The following DIAPH3 variants were observed in gnomAD, a reference collection of about 807,000 sequenced individuals.
DIAPH3 encodes the protein diaphanous related formin 3.
Under a neutral mutation model 144.3 loss-of-function variants are expected in DIAPH3, and 117 were observed. That is an observed-to-expected ratio of 0.81 (90% CI 0.70 to 0.95). The LOEUF (loss-of-function observed/expected upper bound fraction) is 0.95. Among genes scored for constraint, DIAPH3 ranks in the 40% least tolerant of loss-of-function variants. The pLI is 0.00. For synonymous variants in DIAPH3, 519 were observed against 488.9 expected (o/e 1.06, Z -0.81); for missense variants, 1,421 against 1,412.7 (o/e 1.01, Z -0.09).
chr13:59,999,672 C>T (rs1447167672), intron 9 of DIAPH3, among the ~76,000 whole-genome samples: 1 of 152,138 alleles, frequency 6.6e-6, no homozygotes, highest in African/African-American at 2.4e-5. Flanking sequence ...CTCAAGGATT[C>T]CCCAACAGGC....
chr13:60,131,352 C>T (rs2059131639), intron 2 of DIAPH3, among the ~76,000 whole-genome samples: 1 of 149,868 alleles, frequency 6.7e-6, no homozygotes, highest in Admixed American at 6.7e-5. Flanking sequence ...GGGAGGATTG[C>T]CTGAGCCCAG....
chr13:60,086,400 T>G (rs1594626195), intron 4 of DIAPH3, among the ~76,000 whole-genome samples: 1 of 152,170 alleles, frequency 6.6e-6, no homozygotes, highest in African/African-American at 2.4e-5. Flanking sequence ...TAGAAAATAC[T>G]CTTAACAAGA....
intron 17 of DIAPH3, among the ~76,000 whole-genome samples, chr13:59,939,331 T>C (rs1377639882): frequency 6.6e-6 from 1 of 152,182 alleles, no homozygotes; most frequent in Non-Finnish European, 1.5e-5. Flanking sequence ...GTACAAAGAA[T>C]TTCATTCTTG....
At chr13:59,897,056 T>C (rs1461503149) in intron 20 of DIAPH3, among the ~76,000 whole-genome samples, 1 of 152,204 alleles carries the variant, frequency 6.6e-6, no homozygotes, top group Non-Finnish European at 1.5e-5. Flanking sequence ...AAAAGAGTTA[T>C]TAAAAAAATT....
chr13:60,010,087 A>G (rs906392006), intron 8 of DIAPH3, among the ~76,000 whole-genome samples: 7 of 152,188 alleles, frequency 4.6e-5, no homozygotes, highest in African/African-American at 1.4e-4. Context: ...AACTACTATT[A>G]CATAAATCAC....
At chr13:60,029,496 A>G (rs1035722791) in intron 5 of DIAPH3, among the ~76,000 whole-genome samples, 1 of 152,182 alleles carries the variant, frequency 6.6e-6, no homozygotes, top group African/African-American at 2.4e-5. Context: ...TAATGGGATC[A>G]TGGGTGTGGT....
chr13:59,684,118 G>C (rs1350794943), intron 27 of DIAPH3, among the ~76,000 whole-genome samples: 6 of 151,482 alleles, frequency 4.0e-5, no homozygotes, highest in Admixed American at 3.9e-4. Context: ...TTCTTGGTTT[G>C]CTGCTGTGGC....
chr13:59,824,646 G>A (rs1426436970), intron 24 of DIAPH3, among the ~76,000 whole-genome samples: 3 of 152,182 alleles, frequency 2.0e-5, no homozygotes, highest in Admixed American at 6.6e-5. Context: ...GGGAGAAAGA[G>A]ACTGGATTTT....
Position 60,163,867 on chromosome 13 carries a change from C to T in DIAPH3, c.-101G>A. On this transcript the variant is annotated 5_prime_UTR_variant, in exon 1 of 28. Coordinates refer to ENST00000400324, the MANE Select transcript of DIAPH3 (RefSeq NM_001042517.2). ...AACAGGTTTTACTCCCGGGGTCCGC[C>T]ACCCAAACAGTCAGCACAGCCTAGC... 7.0e-7 allele frequency: 1 copy of T among 1,424,404 alleles called. No individual in the cohort carries two copies. Among genetic ancestry groups the T allele is most frequent in the Non-Finnish European group, 9.3e-7 (1 of 1,070,944 alleles). The allele number at this position is 1,424,404 out of a possible 1,614,324, so 88.2% of individuals were successfully genotyped here.
Position 59,774,813 on chromosome 13 carries a change from C to T in DIAPH3, c.3174G>A (p.Glu1058=). The change falls in exon 26 of 28, where the codon GAG becomes GAA. Residue 1058 remains glutamate (E), a synonymous_variant. Transcript: ENST00000400324. ...RLLEMKTEGD[E]TGVMDNLLEA... The stretch of plus-strand genomic sequence containing the variant: ...CCAGCAGATTATCCATCACTCCTGT[C>T]TCATCACCCTCTGTGAAAAGAGATG... The T allele has an allele frequency of 6.2e-7, 1 of 1,614,000 alleles. No homozygotes were observed. Among genetic ancestry groups the T allele is most frequent in the Non-Finnish European group, 8.5e-7 (1 of 1,179,878 alleles).
chr13:60,105,445 A>C (rs2058391596), intron 3 of DIAPH3, among the ~76,000 whole-genome samples: 1 of 152,200 alleles, frequency 6.6e-6, no homozygotes, highest in Non-Finnish European at 1.5e-5. Flanking sequence ...AAAATCCAGT[A>C]CACCTAAATC....
At chr13:59,709,590 A>T (rs2034620417) in intron 27 of DIAPH3, among the ~76,000 whole-genome samples, 1 of 152,222 alleles carries the variant, frequency 6.6e-6, no homozygotes, top group South Asian at 2.1e-4. Context: ...AAAAGTCAGC[A>T]AACAACAGGT....
intron 17 of DIAPH3, among the ~76,000 whole-genome samples, chr13:59,942,424 A>G (rs1371566219): frequency 3.3e-5 from 5 of 152,188 alleles, no homozygotes; most frequent in Non-Finnish European, 7.4e-5. Flanking sequence ...TCTAGTTAAT[A>G]CACATCAAAA....
chr13:60,000,212 A>G (rs924319710), intron 9 of DIAPH3, among the ~76,000 whole-genome samples: 2 of 152,164 alleles, frequency 1.3e-5, no homozygotes, highest in Non-Finnish European at 2.9e-5. Flanking sequence ...ATTCTAGGGT[A>G]GAGAAATATC....
intron 21 of DIAPH3, among the ~76,000 whole-genome samples, chr13:59,875,606 A>G (rs1037486303): frequency 3.3e-5 from 5 of 152,162 alleles, no homozygotes; most frequent in African/African-American, 4.8e-5. Flanking sequence ...GTAAAGATAC[A>G]TATGCAAAAT....
chr13:59,776,185 A>G (rs1413497014), intron 25 of DIAPH3, among the ~76,000 whole-genome samples: 3 of 152,244 alleles, frequency 2.0e-5, no homozygotes, highest in Admixed American at 6.5e-5. Flanking sequence ...TACAAATAAC[A>G]TACTCATTTA....
intron 17 of DIAPH3, among the ~76,000 whole-genome samples, chr13:59,962,265 T>C (rs1438031095): frequency 1.3e-5 from 2 of 152,220 alleles, no homozygotes; most frequent in African/African-American, 4.8e-5. Context: ...TTTCTCAAAA[T>C]AGTATTTTTA....
At chr13:60,121,894 TTC>T (rs369869245) in intron 2 of DIAPH3, among the ~76,000 whole-genome samples, 1 of 152,274 alleles carries the variant, frequency 6.6e-6, no homozygotes, top group Non-Finnish European at 1.5e-5. Context: ...TTTATTCATC[TTC>T]TCTCTGTCTC....
At chr13:59,927,122 T>C (rs979757733) in intron 17 of DIAPH3, among the ~76,000 whole-genome samples, 1 of 152,212 alleles carries the variant, frequency 6.6e-6, no homozygotes, top group South Asian at 2.1e-4. Flanking sequence ...TTTTGACTGA[T>C]ACAAGTATAG....
Sources: gnomAD v4.1 joint callset for allele counts (sites outside exome capture counted in the v4.1 genomes callset) on GRCh38, gnomAD v4.1.1 for gene constraint, MANE v1.5 for transcripts, NCBI Gene and HGNC (gene_info 2026-07-23, HGNC 2026-07-21) for gene names.